The following GNB4 variants were observed in gnomAD, a reference collection of about 807,000 sequenced individuals.
GNB4 encodes G protein subunit beta 4, also known as guanine nucleotide-binding protein subunit beta-4.
GNB4 carries 28 observed loss-of-function variants against 45.2 expected under a neutral mutation model. That is an observed-to-expected ratio of 0.62 (90% CI 0.46 to 0.85). The LOEUF is 0.85. Among genes scored for constraint, GNB4 ranks in the 40% least tolerant of loss-of-function variants. The pLI, the probability that GNB4 is intolerant of heterozygous loss-of-function variation, is 0.00. For missense variants in GNB4, 321 were observed against 425.4 expected (o/e 0.75, Z 2.16); for synonymous variants, 132 against 143.7 (o/e 0.92, Z 0.58).
chr3:179,444,292 T>C (rs1197631712), intron 1 of GNB4, among the ~76,000 whole-genome samples: 2 of 152,200 alleles, frequency 1.3e-5, no homozygotes, highest in Admixed American at 6.5e-5. Flanking sequence ...TGAAATCTCC[T>C]GTTCATAAAT....
chr3:179,425,235 G>A (rs971839328), intron 2 of GNB4, among the ~76,000 whole-genome samples: 1 of 152,146 alleles, frequency 6.6e-6, no homozygotes, highest in African/African-American at 2.4e-5. Flanking sequence ...TCCAAAGAAG[G>A]GACCGTGGTG....
At chr3:179,446,008 G>C (rs1215598447) in intron 1 of GNB4, among the ~76,000 whole-genome samples, 1 of 152,164 alleles carries the variant, frequency 6.6e-6, no homozygotes, top group Non-Finnish European at 1.5e-5. Flanking sequence ...TCTGAGTGTA[G>C]AAACATTTCA....
chr3:179,453,204 C>A (rs1161640268), upstream of GNB4, among the ~76,000 whole-genome samples: 1 of 152,116 alleles, frequency 6.6e-6, no homozygotes, highest in Non-Finnish European at 1.5e-5. Flanking sequence ...CTCACTGCAA[C>A]CTCCACCTCC....
the GNB4 span, among the ~76,000 whole-genome samples, chr3:179,510,904 G>T: frequency 6.6e-6 from 1 of 152,246 alleles, no homozygotes; most frequent in Admixed American, 6.5e-5. Flanking sequence ...TTGCCCATGA[G>T]ATATGAATCT....
At chr3:179,509,168 T>TATACACACAC in the GNB4 span, among the ~76,000 whole-genome samples, 1 of 146,900 alleles carries the variant, frequency 6.8e-6, no homozygotes, top group Admixed American at 6.7e-5. Flanking sequence ...TATATATACA[T>TATACACACAC]ACACACACAC....
At chr3:179,407,207 C>T (rs913883717) in intron 8 of GNB4, among the ~76,000 whole-genome samples, 4 of 152,166 alleles carry the variant, frequency 2.6e-5, no homozygotes, top group African/African-American at 4.8e-5. Context: ...CACCTGTAAT[C>T]GAGCACTTTG....
intron 1 of GNB4, among the ~76,000 whole-genome samples, chr3:179,445,270 A>G (rs1204611999): frequency 6.6e-6 from 1 of 152,086 alleles, no homozygotes; most frequent in Non-Finnish European, 1.5e-5. Flanking sequence ...TAAAAAGAGT[A>G]CTTTATACTT....
intron 1 of GNB4, among the ~76,000 whole-genome samples, chr3:179,445,245 A>C (rs188188376): frequency 6.6e-6 from 1 of 152,142 alleles, no homozygotes; most frequent in Non-Finnish European, 1.5e-5. Context: ...AAGAGAGTAG[A>C]AACAGTAAGG....
the GNB4 span, among the ~76,000 whole-genome samples, chr3:179,465,775 T>C: frequency 6.6e-6 from 1 of 151,454 alleles, no homozygotes; most frequent in Non-Finnish European, 1.5e-5. Context: ...CTTACTTCTA[T>C]AGCCTTAAAT....
chr3:179,436,466 T>C (rs1447237016), intron 1 of GNB4, among the ~76,000 whole-genome samples: 1 of 152,234 alleles, frequency 6.6e-6, no homozygotes, highest in Non-Finnish European at 1.5e-5. Context: ...TCTAAAAGTC[T>C]ATTCATAATT....
chr3:179,453,355 C>G (rs144951257), upstream of GNB4, among the ~76,000 whole-genome samples: 274 of 152,298 alleles, frequency 1.8e-3, no homozygotes, highest in Non-Finnish European at 3.6e-3. Context: ...CTGCTGACCT[C>G]AGGTGATCCG....
At position 179,417,349 on chromosome 3, in the gene GNB4, T is replaced by C. The variant is rs181075681; in HGVS notation, c.204-793A>G. 1.5e-4 allele frequency among the ~76,000 whole-genome samples: 23 copies of C among 152,168 alleles called. No homozygotes were observed. In the East Asian group the frequency reaches 4.2e-3, roughly 28 times the overall value. Reference sequence around the variant, plus strand: ...GGGCTTAAACTGCAGAAAGCTTTGTTAAACTAAAGAGTATGAACTCCTAAG... The same window carrying C: ...GGGCTTAAACTGCAGAAAGCTTTGTCAAACTAAAGAGTATGAACTCCTAAG... On this transcript the variant is annotated intron_variant, in intron 4 of 9. Transcript: ENST00000232564.
intron 1 of GNB4, among the ~76,000 whole-genome samples, chr3:179,430,825 A>G (rs1715289532): frequency 6.6e-6 from 1 of 152,062 alleles, no homozygotes; most frequent in Admixed American, 6.6e-5. Flanking sequence ...AATCTCTTAC[A>G]CTTTTCTCTA....
the GNB4 span, among the ~76,000 whole-genome samples, chr3:179,495,825 A>G: frequency 2.6e-5 from 4 of 152,228 alleles, no homozygotes; most frequent in Non-Finnish European, 5.9e-5. Flanking sequence ...GTGTTAAAAG[A>G]TAAAATTTCA....
chr3:179,514,552 C>A, the GNB4 span, among the ~76,000 whole-genome samples: 1 of 152,094 alleles, frequency 6.6e-6, no homozygotes, highest in East Asian at 1.9e-4. Context: ...CCAATGTACC[C>A]GTATTTGGAG....
the GNB4 span, among the ~76,000 whole-genome samples, chr3:179,486,773 G>A: frequency 6.6e-6 from 1 of 152,182 alleles, no homozygotes; most frequent in African/African-American, 2.4e-5. Flanking sequence ...CACACAAACT[G>A]CTGCACTGGT....
At chr3:179,427,661 G>C (rs1044428971) in intron 1 of GNB4, among the ~76,000 whole-genome samples, 9 of 149,490 alleles carry the variant, frequency 6.0e-5, no homozygotes, top group Admixed American at 5.4e-4. Flanking sequence ...GTCTCTGTTT[G>C]CTTTATTCTT....
At position 179,400,982 on chromosome 3, in the gene GNB4, T is replaced by C. The variant is rs914042787; in HGVS notation, c.*231A>G. On this transcript the variant is annotated 3_prime_UTR_variant, in exon 10 of 10. Coordinates refer to ENST00000232564, the MANE Select transcript of GNB4 (RefSeq NM_021629.4). ...ACACAACAATTCACCAAGGTTAAAA[T>C]AACCCAACCCCTCAAATTAATACAC... 3 of 415,754 alleles carry C rather than the reference T, an allele frequency of 7.2e-6. No individual in the cohort carries two copies. The highest frequency in any genetic ancestry group is 6.1e-5 in the African/African-American group (3 of 49,378). The allele number at this position is 415,754 out of a possible 1,614,324, so 25.8% of individuals were successfully genotyped here.
the GNB4 span, among the ~76,000 whole-genome samples, chr3:179,506,659 T>G: frequency 6.6e-6 from 1 of 152,152 alleles, no homozygotes; most frequent in Non-Finnish European, 1.5e-5. Context: ...CAGAATTCAT[T>G]CACACTGAAG....
Sources: gnomAD v4.1 joint callset for allele counts (sites outside exome capture counted in the v4.1 genomes callset) on GRCh38, gnomAD v4.1.1 for gene constraint, MANE v1.5 for transcripts, NCBI Gene and HGNC (gene_info 2026-07-23, HGNC 2026-07-21) for gene names.